The following XIRP2 variants were observed in gnomAD, a reference collection of about 807,000 sequenced individuals.
The protein encoded by XIRP2 is xin actin-binding repeat-containing protein 2.
A neutral mutation model predicts 277.0 loss-of-function variants in XIRP2; 236 were observed. The observed-to-expected ratio is 0.85, with a 90% CI of 0.77 to 0.95. The LOEUF is 0.95. Among genes scored for constraint, XIRP2 ranks in the 40% least tolerant of loss-of-function variants. XIRP2 has a pLI of 0.00. For synonymous variants in XIRP2, 1,490 were observed against 1,416.5 expected, an observed-to-expected ratio of 1.05 and a Z score of -1.17; for missense variants, 4,640 against 4,157.5, an observed-to-expected ratio of 1.12 and a Z score of -3.19.
chr2:167,083,519 G>A (rs919721083), intron 2 of XIRP2, among the ~76,000 whole-genome samples: 25 of 152,130 alleles, frequency 1.6e-4, no homozygotes, highest in Admixed American at 3.9e-4. Flanking sequence ...CATTGAATCT[G>A]TAAATTACCT....
intron 2 of XIRP2, among the ~76,000 whole-genome samples, chr2:166,953,259 A>G (rs1574110092): frequency 6.6e-6 from 1 of 151,996 alleles, no homozygotes; most frequent in East Asian, 2.0e-4. Context: ...CTCCTCTTGA[A>G]TTGTAGCTCC....
Position 166,928,063 on chromosome 2 carries a change from T to A in XIRP2, c.408+24173T>A, listed in dbSNP as rs545851992. The stretch of plus-strand genomic sequence containing the variant: ...CCTTCAGTAGATCAATGTCCAAGGC[T>A]AGAAGAACCAGCTCAAAGAGTTCCG... On this transcript the variant is annotated intron_variant, in intron 2 of 10. Transcript: ENST00000409195. Among the ~76,000 whole-genome samples the A allele has an allele frequency of 4.6e-5, 7 of 152,254 alleles. 1 individual carries two copies. Among genetic ancestry groups the A allele is most frequent in the African/African-American group, 1.7e-4 (7 of 41,560 alleles).
At chr2:166,949,120 C>T in intron 2 of XIRP2, among the ~76,000 whole-genome samples, 1 of 151,840 alleles carries the variant, frequency 6.6e-6, no homozygotes, top group East Asian at 1.9e-4. Context: ...GTCAAATAGG[C>T]TCATGAGGTT....
chr2:166,953,467 G>A (rs1686087916), intron 2 of XIRP2, among the ~76,000 whole-genome samples: 1 of 151,940 alleles, frequency 6.6e-6, no homozygotes, highest in South Asian at 2.1e-4. Context: ...TCCACCATGA[G>A]TGTCTGGTAT....
intron 2 of XIRP2, among the ~76,000 whole-genome samples, chr2:166,959,435 T>A (rs1325624113): frequency 2.0e-5 from 3 of 151,880 alleles, no homozygotes; most frequent in Admixed American, 6.6e-5. Flanking sequence ...CCATTAACTC[T>A]AATTGCTTCT....
intron 5 of XIRP2, among the ~76,000 whole-genome samples, chr2:167,234,149 G>A (rs1694835251): frequency 6.6e-6 from 1 of 151,092 alleles, no homozygotes; most frequent in Non-Finnish European, 1.5e-5. Flanking sequence ...TCCCTTTTTT[G>A]ACAGCAAAAT....
At chr2:166,906,053 ACT>A (rs1208333231) in intron 2 of XIRP2, among the ~76,000 whole-genome samples, 1 of 151,956 alleles carries the variant, frequency 6.6e-6, no homozygotes, top group Non-Finnish European at 1.5e-5. Flanking sequence ...CTACTCTATA[ACT>A]CTGACATTTA....
chr2:167,201,254 GAA>G (rs1282159491), intron 3 of XIRP2, among the ~76,000 whole-genome samples: 23 of 89,152 alleles, frequency 2.6e-4, no homozygotes, highest in East Asian at 1.5e-3. Context: ...AAGAAAGAAA[GAA>G]AGAAAGAGAG....
chr2:167,182,559 G>A (rs1693046247), intron 3 of XIRP2, among the ~76,000 whole-genome samples: 3 of 152,130 alleles, frequency 2.0e-5, no homozygotes, highest in Admixed American at 1.3e-4. Context: ...ATTAAGGTCA[G>A]GATAAATAAT....
At chr2:167,112,465 G>A (rs1690783359) in intron 2 of XIRP2, among the ~76,000 whole-genome samples, 1 of 150,790 alleles carries the variant, frequency 6.6e-6, no homozygotes, top group African/African-American at 2.4e-5. Context: ...TAATTTCCAT[G>A]TAATATTACA....
intron 2 of XIRP2, among the ~76,000 whole-genome samples, chr2:167,052,234 A>C (rs997411664): frequency 6.6e-6 from 1 of 152,012 alleles, no homozygotes; most frequent in Non-Finnish European, 1.5e-5. Context: ...AAGAAAATGC[A>C]AGCCCAATAT....
At chr2:167,071,126 A>T (rs187060959) in intron 2 of XIRP2, among the ~76,000 whole-genome samples, 335 of 152,228 alleles carry the variant, frequency 2.2e-3, no homozygotes, top group African/African-American at 7.3e-3. Flanking sequence ...GGTTATTAGC[A>T]CTCTCCTAAG....
intron 2 of XIRP2, among the ~76,000 whole-genome samples, chr2:167,038,483 C>G (rs1343652981): frequency 6.7e-6 from 1 of 150,360 alleles, no homozygotes; most frequent in African/African-American, 2.4e-5. Flanking sequence ...AAACATTATC[C>G]TACATATTGA....
At chr2:167,033,673 A>G (rs2105508837) in intron 2 of XIRP2, among the ~76,000 whole-genome samples, 1 of 152,190 alleles carries the variant, frequency 6.6e-6, no homozygotes, top group African/African-American at 2.4e-5. Context: ...GCTCCAATAC[A>G]TCTGGCAGCA....
At chr2:167,162,121 T>A (rs1435857162) in intron 3 of XIRP2, among the ~76,000 whole-genome samples, 3 of 152,206 alleles carry the variant, frequency 2.0e-5, no homozygotes, top group Non-Finnish European at 2.9e-5. Flanking sequence ...TCATTCCCTG[T>A]ATCATTATCA....
At position 167,258,378 on chromosome 2, in the gene XIRP2, A is replaced by G. The variant is rs1223374460; in HGVS notation, c.*561A>G. ...TATCTACAGTCCACCCATGTTTGTC[A>G]GAAAGAGGATGTTATAGGAATCAAA... On this transcript the variant is annotated 3_prime_UTR_variant, in exon 11 of 11. Coordinates refer to ENST00000409195, the MANE Select transcript of XIRP2 (RefSeq NM_152381.6). 2 of 1,613,358 alleles carry G rather than the reference A, an allele frequency of 1.2e-6. No homozygotes were observed. The highest frequency in any genetic ancestry group is 2.7e-5 in the African/African-American group (2 of 74,846).
At chr2:167,127,904 G>T (rs1024444222) in intron 2 of XIRP2, among the ~76,000 whole-genome samples, 1 of 152,182 alleles carries the variant, frequency 6.6e-6, no homozygotes, top group Non-Finnish European at 1.5e-5. Flanking sequence ...TCCCCCTGGG[G>T]GTTCATCCAG....
At chr2:167,168,873 C>T (rs1301992466) in intron 3 of XIRP2, among the ~76,000 whole-genome samples, 1 of 152,192 alleles carries the variant, frequency 6.6e-6, no homozygotes, top group Non-Finnish European at 1.5e-5. Context: ...CTCAGCCTCC[C>T]AAAGTGCATT....
chr2:167,154,129 TG>T (rs1361460490), intron 3 of XIRP2, among the ~76,000 whole-genome samples: 2 of 149,660 alleles, frequency 1.3e-5, no homozygotes, highest in African/African-American at 5.0e-5. Context: ...TATCTCATTG[TG>T]GTTTTGATTT....
Sources: gnomAD v4.1 joint callset for allele counts (sites outside exome capture counted in the v4.1 genomes callset) on GRCh38, gnomAD v4.1.1 for gene constraint, MANE v1.5 for transcripts, NCBI Gene and HGNC (gene_info 2026-07-23, HGNC 2026-07-21) for gene names.